The following URB1 variants were observed in gnomAD, a reference collection of about 807,000 sequenced individuals.
The protein encoded by URB1 is nucleolar pre-ribosomal-associated protein 1.
In URB1, 197 loss-of-function variants were observed where a neutral mutation model predicts 242.3. That is an observed-to-expected ratio of 0.81 (90% CI 0.72 to 0.91). The LOEUF (loss-of-function observed/expected upper bound fraction) is 0.91, where lower values mean the gene tolerates loss of function less well. Among genes scored for constraint, URB1 ranks in the 40% least tolerant of loss-of-function variants. URB1 has a pLI of 0.00. For missense variants in URB1, 2,721 were observed against 2,860.5 expected, an observed-to-expected ratio of 0.95 and a Z score of 1.11; for synonymous variants, 1,153 against 1,201.8, an observed-to-expected ratio of 0.96 and a Z score of 0.84.
In URB1 at chr21:32,318,004, A is replaced by T. The variant is rs2032715149; in HGVS notation, c.5793-87T>A. ...CTGCGGCACCCTGACGACATCACAC[A>T]CCCAGAGGTGCACACAGTCCCTCCA... On this transcript the variant is annotated intron_variant, in intron 36 of 38. Coordinates refer to ENST00000382751, the MANE Select transcript of URB1 (RefSeq NM_014825.3). 6 of 1,490,758 alleles carry T rather than the reference A, an allele frequency of 4.0e-6. No individual in the cohort carries two copies. The African/African-American group carries it at 8.4e-5, about 21-fold the overall frequency. The allele number at this position is 1,490,758 out of a possible 1,614,324, so 92.3% of individuals were successfully genotyped here.
chr21:32,386,893 A>C (rs1245093086), intron 1 of URB1, among the ~76,000 whole-genome samples: 1 of 152,170 alleles, frequency 6.6e-6, no homozygotes, highest in Non-Finnish European at 1.5e-5. Context: ...GTCGGGCTCC[A>C]GAGCCCATAT....
rs376212322 is a variant in URB1 at position 32,320,544 on chromosome 21, T to C, written c.5581A>G (p.Ile1861Val). 6.4e-7 allele frequency: 1 copy of C among 1,551,524 alleles called. No individual in the cohort carries two copies. The highest frequency in any genetic ancestry group is 8.7e-7 in the Non-Finnish European group (1 of 1,146,612). ...DYSLLTWILHILESKFLETPL... is the reference protein window; with the variant it reads ...DYSLLTWILHVLESKFLETPL... ...AAAGGTACTTACTTGCTTTCAAGGATGTGTAAAATCCATGTTAAAAGGCTA... is the reference window on the plus strand; with the variant it reads ...AAAGGTACTTACTTGCTTTCAAGGACGTGTAAAATCCATGTTAAAAGGCTA... Residue 1861 changes from isoleucine (I) to valine (V), a missense_variant, in exon 35 of 39, where the codon ATC (isoleucine) becomes GTC (valine). Physicochemically the swap from Ile to Val is conservative, Grantham distance 29 (BLOSUM62 3). Coordinates refer to ENST00000382751, the MANE Select transcript of URB1 (RefSeq NM_014825.3).
chr21:32,374,896 T>C (rs1396284823), intron 6 of URB1, among the ~76,000 whole-genome samples: 1 of 152,250 alleles, frequency 6.6e-6, no homozygotes, highest in African/African-American at 2.4e-5. Context: ...GCCATTTTCA[T>C]GTGGACTCTG....
At chr21:32,366,392 G>A (rs973200876) in intron 10 of URB1, among the ~76,000 whole-genome samples, 5 of 152,194 alleles carry the variant, frequency 3.3e-5, no homozygotes, top group Middle Eastern at 3.2e-3. Flanking sequence ...CATGAAGTCC[G>A]TTGTCCCTAG....
At chr21:32,316,177 C>T (rs559779636) in intron 38 of URB1, among the ~76,000 whole-genome samples, 1 of 150,554 alleles carries the variant, frequency 6.6e-6, no homozygotes, top group Non-Finnish European at 1.5e-5. Context: ...CCATTGCCTG[C>T]GGGGTGGAGG....
At chr21:32,384,288 T>C in intron 3 of URB1, 25 bp downstream of exon 3, 2 of 1,542,942 alleles carry the variant, frequency 1.3e-6, no homozygotes, top group South Asian at 1.2e-5. Flanking sequence ...GCCCATCCTT[T>C]GTCACACCAA....
At position 32,343,290 on chromosome 21, in the gene URB1, G is replaced by A. The variant is rs148265808; in HGVS notation, c.4257+1280C>T. Reference sequence around the variant, plus strand: ...ACCAGTAATTCCAAATTTTATGAGTGGTAGAGGAGAGTGGACATCATACAG... The same window carrying A: ...ACCAGTAATTCCAAATTTTATGAGTAGTAGAGGAGAGTGGACATCATACAG... On this transcript the variant is annotated intron_variant, in intron 24 of 38. Transcript: ENST00000382751. Among the ~76,000 whole-genome samples, 1,274 of 151,908 alleles carry A rather than the reference G, an allele frequency of 8.4e-3. 14 individuals carry two copies. The highest frequency in any genetic ancestry group is 0.011 in the Non-Finnish European group (750 of 67,970).
Position 32,383,557 on chromosome 21 carries a change from G to A in URB1, c.435-3C>T. ...GGCTCAGGCAGGCGCGAGCCAACCT[G>A]CACAGGGAACCAGAGGAAATCGGAC... On this transcript the variant is annotated splice_region_variant and splice_polypyrimidine_tract_variant and intron_variant, in intron 3 of 38. Transcript: ENST00000382751. 1 of 1,550,418 alleles carries A rather than the reference G, an allele frequency of 6.4e-7. No individual in the cohort carries two copies.
rs772223001 is a variant in URB1 at position 32,363,269 on chromosome 21, C to T, written c.1396G>A (p.Ala466Thr). Residue 466 changes from alanine to threonine, a missense_variant, in exon 11 of 39, where the codon GCA (alanine) becomes ACA (threonine). Coordinates refer to ENST00000382751, the MANE Select transcript of URB1 (RefSeq NM_014825.3). The part of the protein sequence containing the change: ...LSLISVILKR[A>T]LKTVDHCLNK... ...AGGCAGTGGTCAACAGTTTTTAATG[C>T]CCTCTTCAAAATGACAGAAATAAGG... 4.5e-6 allele frequency: 7 copies of T among 1,551,702 alleles called. No individual in the cohort carries two copies. In the Admixed American group the frequency reaches 5.9e-5, roughly 13 times the overall value.
chr21:32,354,141 C>G (rs956790927), intron 17 of URB1, 38 bp from the exon 18 acceptor site: 1 of 1,547,442 alleles, frequency 6.5e-7, no homozygotes, highest in Non-Finnish European at 8.7e-7. Context: ...GATGTGAGAG[C>G]CACTGAAGGG....
chr21:32,377,277 A>G (rs941397802), intron 5 of URB1: 2 of 515,934 alleles, frequency 3.9e-6, no homozygotes, highest in Admixed American at 4.0e-5. Flanking sequence ...ATGGGGTACT[A>G]TGAGAGGTCC....
rs1415818025 is a variant in URB1 at position 32,357,437 on chromosome 21, C to T, written c.1989+100G>A. ...TCTATTTTAAAACTAAAAACAATTC[C>T]AATACCTCCTGAATTCAATAACTGT... is the stretch of plus-strand genomic sequence containing the variant. On this transcript the variant is annotated intron_variant, in intron 15 of 38. Transcript: ENST00000382751. 3.3e-6 allele frequency: 4 copies of T among 1,211,782 alleles called. No homozygotes were observed. In the Admixed American group the frequency reaches 1.2e-4, roughly 37 times the overall value. 75.1% of individuals were successfully genotyped at this position (1,211,782 alleles called of 1,614,324 possible).
rs369966771 is a variant in URB1, at chr21:32,347,551, C to T, written c.3273G>A (p.Arg1091=). Residue 1091 remains arginine (R), a synonymous_variant, in exon 22 of 39, where the codon AGG becomes AGA. Transcript: ENST00000382751. ...TTGGTGGTGATGTGGCCGGGCCCGC[C>T]CTCCTGTTCTGAAGTTCCTTCAGCA... ...QSVLKELQNR[R]AGPATSPPKT... is the part of the protein sequence containing the mutation. 2.5e-4 allele frequency: 381 copies of T among 1,551,308 alleles called. No homozygotes were observed. In the African/African-American group the frequency reaches 4.5e-3, roughly 18 times the overall value.
intron 10 of URB1, 61 bp downstream of exon 10, chr21:32,366,557 C>A: frequency 3.9e-6 from 6 of 1,543,820 alleles, no homozygotes; most frequent in Non-Finnish European, 5.2e-6. Flanking sequence ...ATAATCACAT[C>A]ATGTAGCCAG....
At chr21:32,335,942 G>A (rs1359699549) in intron 28 of URB1, among the ~76,000 whole-genome samples, 1 of 152,184 alleles carries the variant, frequency 6.6e-6, no homozygotes, top group Non-Finnish European at 1.5e-5. Flanking sequence ...GTGACTCCCT[G>A]GGCAGCCTCG....
In URB1 at chr21:32,311,755, G is replaced by A; in HGVS notation, c.*3163C>T. 6.2e-7 allele frequency: 1 copy of A among 1,614,098 alleles called. No individual in the cohort carries two copies. Among genetic ancestry groups the A allele is most frequent in the Non-Finnish European group, 8.5e-7 (1 of 1,180,010 alleles). ...AACCTCCACCTCTGCATCCAGAAGT[G>A]CCTGCCGTGCCACAGGGAACCCCTG... On this transcript the variant is annotated 3_prime_UTR_variant, in exon 39 of 39. Transcript: ENST00000382751.
Position 32,334,145 on chromosome 21 carries a change from G to C in URB1, c.4857+18C>G, listed in dbSNP as rs1292490717. On this transcript the variant is annotated intron_variant, in intron 29 of 38. Transcript: ENST00000382751. ...TGGGGTGAAGGGGTGGGTAGGGACA[G>C]AACAGCAGCAGCCCAACCTCGGGGG... 3 of 1,535,320 alleles carry C rather than the reference G, an allele frequency of 2.0e-6. No individual in the cohort carries two copies. The highest frequency in any genetic ancestry group is 2.6e-6 in the Non-Finnish European group (3 of 1,135,780).
At chr21:32,364,614 C>T in intron 10 of URB1, among the ~76,000 whole-genome samples, 1 of 152,216 alleles carries the variant, frequency 6.6e-6, no homozygotes, top group South Asian at 2.1e-4. Flanking sequence ...CAAAGGCAGG[C>T]CCCACACAAG....
Position 32,361,989 on chromosome 21 carries a change from G to A in URB1, c.1542C>T (p.Val514=). ...ILPDLNTVVW[V]WQSLKKQETK... ...TCTCTTGCTTTTTAAGTGACTGCCAGACCCACACGACAGTGTTCAGGTCTG... is the reference window on the plus strand; with the variant it reads ...TCTCTTGCTTTTTAAGTGACTGCCAAACCCACACGACAGTGTTCAGGTCTG... Residue 514 remains valine, a synonymous_variant, in exon 12 of 39, where the codon GTC becomes GTT. Transcript: ENST00000382751. The A allele has an allele frequency of 1.9e-6, 3 of 1,551,542 alleles. No homozygotes were observed. Among genetic ancestry groups the A allele is most frequent in the Non-Finnish European group, 2.6e-6 (3 of 1,146,912 alleles).
Sources: gnomAD v4.1 joint callset for allele counts (sites outside exome capture counted in the v4.1 genomes callset) on GRCh38, gnomAD v4.1.1 for gene constraint, MANE v1.5 for transcripts, NCBI Gene and HGNC (gene_info 2026-07-23, HGNC 2026-07-21) for gene names.